DHX16: variants seen among roughly 807,000 people sequenced by gnomAD.
DHX16 encodes DEAH-box helicase 16, also known as pre-mRNA-splicing factor ATP-dependent RNA helicase DHX16.
A neutral mutation model predicts 131.2 loss-of-function variants in DHX16; 81 were observed. The ratio of observed to expected loss-of-function variants is 0.62; its 90% CI spans 0.52 to 0.74. The LOEUF (loss-of-function observed/expected upper bound fraction) is 0.74. Among genes scored for constraint, DHX16 ranks in the 30% least tolerant of loss-of-function variants. The pLI is 0.00. For missense variants in DHX16, 980 were observed against 1,363.1 expected (o/e 0.72, Z 4.43); for synonymous variants, 440 against 520.2 (o/e 0.85, Z 2.10).
rs948801905 is a variant in DHX16 at position 30,664,890 on chromosome 6, C to G, written c.1228G>C (p.Ala410Pro). 6.2e-7 allele frequency: 1 copy of G among 1,613,306 alleles called. No individual in the cohort carries two copies. The highest frequency in any genetic ancestry group is 8.5e-7 in the Non-Finnish European group (1 of 1,180,000). The stretch of plus-strand genomic sequence containing the variant: ...AGGACTTGGTGATTTGCAATAGCAG[C>G]CAGGAGCTCCTCTCGAAATGGGAAC... ...PVFPFREELLAAIANHQVLII... is the reference protein window; with the variant it reads ...PVFPFREELLPAIANHQVLII... Residue 410 changes from alanine to proline, a missense_variant, in exon 7 of 20, where the codon GCT becomes CCT. By Grantham distance (27) the Ala-to-Pro change is conservative. Around this residue, in one of 3 missense-constraint regions of DHX16, gnomAD observed 457 missense variants for 554.8 expected, o/e 0.82. Transcript: ENST00000376442.
chr6:30,658,104 GCTGT>G (rs1768145620), intron 12 of DHX16, among the ~76,000 whole-genome samples: 1 of 152,156 alleles, frequency 6.6e-6, no homozygotes, highest in South Asian at 2.1e-4. Context: ...CTGCTACTCA[GCTGT>G]CTAAAGTCCA....
In DHX16 at chr6:30,665,754, C is replaced by A. The variant is rs759441334; in HGVS notation, c.667-21G>T. 4 of 1,599,562 alleles carry A rather than the reference C, an allele frequency of 2.5e-6. No individual in the cohort carries two copies. Among genetic ancestry groups the A allele is most frequent in the South Asian group, 1.1e-5 (1 of 90,748 alleles). ...GGGACCTGAGTTGGGAAAGGACAGT[C>A]GAATCCTCATCTTGCTGGAGGAGCA... is the stretch of plus-strand genomic sequence containing the variant. On this transcript the variant is annotated intron_variant, in intron 4 of 19. Transcript: ENST00000376442. The surrounding 1 kb of genome is among the most constrained non-coding windows in gnomAD (Gnocchi z 4.8).
chr6:30,671,646 C>A (rs1769566560), intron 1 of DHX16, among the ~76,000 whole-genome samples: 1 of 151,990 alleles, frequency 6.6e-6, no homozygotes, highest in Admixed American at 6.6e-5. Context: ...CACCCGGGCA[C>A]AATTACTTAG....
Position 30,670,798 on chromosome 6 carries a change from C to T in DHX16, c.601G>A (p.Asp201Asn), listed in dbSNP as rs1769460971. The change falls in exon 3 of 20, where the codon GAC (aspartate) becomes AAC (asparagine). Residue 201 changes from aspartate (D) to asparagine (N), a missense_variant. Asp to Asn is a conservative substitution (Grantham distance 23, BLOSUM62 1). Around this residue, in one of 3 missense-constraint regions of DHX16, gnomAD observed 457 missense variants for 554.8 expected, o/e 0.82. Coordinates refer to ENST00000376442, the MANE Select transcript of DHX16 (RefSeq NM_003587.5). The surrounding 1 kb of genome is among the most constrained non-coding windows in gnomAD (Gnocchi z 4.4). ...DRTRNVLERS[D>N]KKAYEEAQKR... ...ATGCTGCTCCTATTCACCTTCTTGT[C>T]TGACCGTTCCAGGACATTTCGAGTC... 1 of 1,613,026 alleles carries T rather than the reference C, an allele frequency of 6.2e-7. No individual in the cohort carries two copies. The highest frequency in any genetic ancestry group is 8.5e-7 in the Non-Finnish European group (1 of 1,180,044).
At position 30,656,578 on chromosome 6, in the gene DHX16, T is replaced by C. The variant is rs573960989; in HGVS notation, c.2311+19A>G. On this transcript the variant is annotated intron_variant, in intron 14 of 19. Coordinates refer to ENST00000376442, the MANE Select transcript of DHX16 (RefSeq NM_003587.5). This position sits in a 1 kb window ranked among gnomAD's most constrained non-coding sequence, Gnocchi z 5.1. ...CAGTGACTCCAGCCCCTCCCTCCTC[T>C]CTCAGGTAGCCCAATCACCTAAGCT... is the stretch of plus-strand genomic sequence containing the variant. The C allele has an allele frequency of 1.2e-6, 2 of 1,614,112 alleles. No individual in the cohort carries two copies. The highest frequency in any genetic ancestry group is 1.3e-5 in the African/African-American group (1 of 75,022).
chr6:30,661,964 A>G, intron 9 of DHX16: 3 of 695,336 alleles, frequency 4.3e-6, no homozygotes, highest in Non-Finnish European at 8.1e-6. Flanking sequence ...TGAAGAGTCA[A>G]AAAGGCACAT....
rs543992056 is a variant in DHX16, at chr6:30,672,299, A to G, written c.207+336T>C. On this transcript the variant is annotated intron_variant, in intron 1 of 19. Coordinates refer to ENST00000376442, the MANE Select transcript of DHX16 (RefSeq NM_003587.5). ...TTACGACCGCACTCCAGCCTGGGCG[A>G]CGGGGCGAGCGAGACTGTGTCTCTC... is the stretch of plus-strand genomic sequence containing the variant. 2.1e-4 allele frequency among the ~76,000 whole-genome samples: 31 copies of G among 151,104 alleles called. No individual in the cohort carries two copies. In the East Asian group the frequency reaches 5.9e-3, roughly 29 times the overall value.
In DHX16 at chr6:30,654,738, G is replaced by GTTCGTGGTAGAGCAGCC. The variant is rs1370787239; in HGVS notation, c.2948_2964dup (p.Leu989GlyfsTer9). ...ATGAACTCTTTGGTGGTCAAGACAA[G>GTTCGTGGTAGAGCAGCC]TTCGTGGTAGAGCAGCCAGCGTGGC... is the stretch of plus-strand genomic sequence containing the variant. On this transcript the variant is annotated frameshift_variant, in exon 19 of 20. Coordinates refer to ENST00000376442, the MANE Select transcript of DHX16 (RefSeq NM_003587.5). LOFTEE classifies it high-confidence loss of function. The GTTCGTGGTAGAGCAGCC allele has an allele frequency of 1.8e-5, 29 of 1,612,966 alleles. No individual in the cohort carries two copies. Among genetic ancestry groups the GTTCGTGGTAGAGCAGCC allele is most frequent in the Non-Finnish European group, 2.5e-5 (29 of 1,179,968 alleles).
At chr6:30,664,699 TA>T (rs779934634) in intron 7 of DHX16, 101 bp downstream of exon 7, 65 of 1,042,014 alleles carry the variant, frequency 6.2e-5, no homozygotes, top group Non-Finnish European at 9.0e-5. Flanking sequence ...GTGGAAAAGA[TA>T]GGTAAGTGAC....
At position 30,670,613 on chromosome 6, in the gene DHX16, T is replaced by C; in HGVS notation, c.610-147A>G. 1 of 1,215,604 alleles carries C rather than the reference T, an allele frequency of 8.2e-7. No individual in the cohort carries two copies. The highest frequency in any genetic ancestry group is 1.2e-6 in the Non-Finnish European group (1 of 864,328). 75.3% of individuals were successfully genotyped at this position (1,215,604 alleles called of 1,614,324 possible). A position where few individuals can be genotyped will look rare whatever the true frequency, so the allele number is the denominator to read the frequency against. The stretch of plus-strand genomic sequence containing the variant: ...AGTGAGGAATCTCTCTGATTGCAGG[T>C]ACAGCAGACAGTTGTCTTAGCCACA... On this transcript the variant is annotated intron_variant, in intron 3 of 19. Coordinates refer to ENST00000376442, the MANE Select transcript of DHX16 (RefSeq NM_003587.5). This position sits in a 1 kb window ranked among gnomAD's most constrained non-coding sequence, Gnocchi z 4.4.
At chr6:30,657,678 C>T (rs920011261) in intron 12 of DHX16, among the ~76,000 whole-genome samples, 1 of 152,162 alleles carries the variant, frequency 6.6e-6, no homozygotes, top group East Asian at 1.9e-4. Context: ...AGTAAGTGCA[C>T]TCCTCACTGG....
At position 30,664,991 on chromosome 6, in the gene DHX16, T is replaced by TC. The variant is rs1170361037; in HGVS notation, c.1126dup (p.Glu376GlyfsTer46). 1 of 1,613,818 alleles carries TC rather than the reference T, an allele frequency of 6.2e-7. No homozygotes were observed. The highest frequency in any genetic ancestry group is 1.1e-5 in the South Asian group (1 of 91,070). ...AGTTGAAGTGGGTGGAGCTGACGGC[T>TC]CCTAAGGAAAGAGAAGGAGGTGTGA... On this transcript the variant is annotated frameshift_variant and splice_region_variant, in exon 7 of 20. Coordinates refer to ENST00000376442, the MANE Select transcript of DHX16 (RefSeq NM_003587.5). LOFTEE classifies it high-confidence loss of function.
chr6:30,661,695 C>T, intron 9 of DHX16: 1 of 711,138 alleles, frequency 1.4e-6, no homozygotes, highest in South Asian at 1.5e-5. Context: ...CAGCCAAGTC[C>T]CAGGAACTCA....
rs1480095364 is a variant in DHX16 at position 30,656,744 on chromosome 6, G to A, written c.2164C>T (p.Arg722Ter). The A allele has an allele frequency of 5.6e-6, 9 of 1,612,256 alleles. No homozygotes were observed. The highest frequency in any genetic ancestry group is 5.9e-6 in the Non-Finnish European group (7 of 1,180,034). Residue 722 changes from arginine (R) to a stop codon, truncating the protein, a stop_gained, in exon 14 of 20, where the codon CGA becomes TGA. Coordinates refer to ENST00000376442, the MANE Select transcript of DHX16 (RefSeq NM_003587.5). LOFTEE classifies it high-confidence loss of function. The surrounding 1 kb of genome is among the most constrained non-coding windows in gnomAD (Gnocchi z 5.1). ...GCCACCCGACCTGCCCTGCCAGCTC[G>A]CTGATTGGCTGAGGCCTGGAAAGAA... ...TPCSKASANQ[R>*]AGRAGRVAAG...
intron 10 of DHX16, 67 bp from the exon 11 acceptor site, chr6:30,659,901 C>T: frequency 6.4e-7 from 1 of 1,561,692 alleles, no homozygotes. Flanking sequence ...CCTCTCCTCC[C>T]AATTCAACAT....
In DHX16 at chr6:30,670,689, G is replaced by A; in HGVS notation, c.609+101C>T. On this transcript the variant is annotated intron_variant, in intron 3 of 19. Coordinates refer to ENST00000376442, the MANE Select transcript of DHX16 (RefSeq NM_003587.5). The surrounding 1 kb of genome is among the most constrained non-coding windows in gnomAD (Gnocchi z 4.4). ...AGAGGTGAACATCTCACTAGAGACA[G>A]CCCCTTGTCTTCCCAGAGATCACTA... 6 of 1,503,794 alleles carry A rather than the reference G, an allele frequency of 4.0e-6. No individual in the cohort carries two copies. Among genetic ancestry groups the A allele is most frequent in the South Asian group, 1.2e-5 (1 of 83,812 alleles). The allele number at this position is 1,503,794 out of a possible 1,614,324, so 93.2% of individuals were successfully genotyped here. A position where few individuals can be genotyped will look rare whatever the true frequency, so the allele number is the denominator to read the frequency against.
In DHX16 at chr6:30,654,871, A is replaced by G; in HGVS notation, c.2832T>C (p.Thr944=). 1 of 1,612,414 alleles carries G rather than the reference A, an allele frequency of 6.2e-7. No homozygotes were observed. Among genetic ancestry groups the G allele is most frequent in the South Asian group, 1.1e-5 (1 of 91,006 alleles). ...GDYIRVRKAI[T]AGYFYHTARL... ...GTGCCGTGTGGTAAAAGTAACCAGC[A>G]GTGATGGCCTAAGGAGCGGGCAGGA... is the stretch of plus-strand genomic sequence containing the variant. The change falls in exon 19 of 20, where the codon ACT becomes ACC. Residue 944 remains threonine (T), a synonymous_variant. Coordinates refer to ENST00000376442, the MANE Select transcript of DHX16 (RefSeq NM_003587.5).
Position 30,654,803 on chromosome 6 carries a change from G to A in DHX16, c.2900C>T (p.Thr967Ile). 6.2e-7 allele frequency: 1 copy of A among 1,613,036 alleles called. No homozygotes were observed. The highest frequency in any genetic ancestry group is 8.5e-7 in the Non-Finnish European group (1 of 1,180,010). The change falls in exon 19 of 20, where the codon ACA becomes ATA. Residue 967 changes from threonine to isoleucine, a missense_variant. By Grantham distance (89) the Thr-to-Ile change is moderately conservative. Transcript: ENST00000376442. ...GGAGGAGTTGGGATGAATGAAGACT[G>A]TCTGCTGCTGTTTCACTGTGCGGTA... Reference protein sequence around the residue: ...SGYRTVKQQQTVFIHPNSSLF... With the variant: ...SGYRTVKQQQIVFIHPNSSLF...
intron 1 of DHX16, 47 bp downstream of exon 1, chr6:30,672,587 AG>A: frequency 6.6e-7 from 1 of 1,525,814 alleles, no homozygotes. Flanking sequence ...CCGTTAGGCC[AG>A]CCTCACCGGG....
Sources: gnomAD v4.1 joint callset for allele counts (sites outside exome capture counted in the v4.1 genomes callset) on GRCh38, gnomAD v4.1.1 for gene constraint, gnomAD v4.1.1 regional missense constraint, Gnocchi (gnomAD v3.1) non-coding constraint, MANE v1.5 for transcripts, NCBI Gene and HGNC (gene_info 2026-07-23, HGNC 2026-07-21) for gene names.